ENPP3: variants seen among roughly 807,000 people sequenced by gnomAD.
ENPP3 encodes the protein ectonucleotide pyrophosphatase/phosphodiesterase 3, also known as ectonucleotide pyrophosphatase/phosphodiesterase family member 3.
In ENPP3, 104 loss-of-function variants were observed where a neutral mutation model predicts 117.8. The ratio of observed to expected loss-of-function variants is 0.88; its 90% CI spans 0.75 to 1.04. ENPP3 has a LOEUF of 1.04. Ranked by LOEUF, ENPP3 falls within the 50% of genes least tolerant of loss-of-function variation. ENPP3 has a pLI of 0.00. For missense variants in ENPP3, 1,026 were observed against 1,051.9 expected, an observed-to-expected ratio of 0.98 and a Z score of 0.34; for synonymous variants, 380 against 349.9, an observed-to-expected ratio of 1.09 and a Z score of -0.96.
intron 15 of ENPP3, among the ~76,000 whole-genome samples, chr6:131,716,447 A>C (rs1026425861): frequency 1.3e-5 from 2 of 152,046 alleles, no homozygotes; most frequent in Non-Finnish European, 2.9e-5. Flanking sequence ...AGATGGAAAT[A>C]TTTTAAAAAA....
intron 6 of ENPP3, among the ~76,000 whole-genome samples, chr6:131,669,655 C>CAAAA (rs67597128): frequency 3.5e-3 from 216 of 61,234 alleles, no homozygotes; most frequent in Non-Finnish European, 4.4e-3. Context: ...GACTCCATCT[C>CAAAA]AAAAAAAAAA....
rs1188278022 is a variant in ENPP3, at chr6:131,725,955, G to A, written c.1799-91G>A. On this transcript the variant is annotated intron_variant, in intron 19 of 24. Transcript: ENST00000357639. ...ACTTGTCATATAATAAGCCATAAGA[G>A]AGTGGTAGTTATTATATGGGTAGTT... 9.3e-6 allele frequency: 7 copies of A among 753,604 alleles called. No homozygotes were observed. In the East Asian group the frequency reaches 1.6e-4, roughly 17 times the overall value. The allele number at this position is 753,604 out of a possible 1,614,324, so 46.7% of individuals were successfully genotyped here. A position where few individuals can be genotyped will look rare whatever the true frequency, so the allele number is the denominator to read the frequency against.
intron 10 of ENPP3, among the ~76,000 whole-genome samples, 185 bp downstream of exon 10, chr6:131,676,986 A>C (rs1778883142): frequency 6.6e-6 from 1 of 152,022 alleles, no homozygotes. Context: ...GTGTAATCTC[A>C]GCACTTTGGG....
rs1162431088 is a variant in ENPP3 at position 131,683,165 on chromosome 6, A to G, written c.1120+3A>G. ...TATCATCCTTCTGGCTGACCATGGTATGCTTTTAAAAAACATTCTTATTTT... is the reference window on the plus strand; with the variant it reads ...TATCATCCTTCTGGCTGACCATGGTGTGCTTTTAAAAAACATTCTTATTTT... On this transcript the variant is annotated splice_donor_region_variant and intron_variant, in intron 12 of 24. Coordinates refer to ENST00000357639, the MANE Select transcript of ENPP3 (RefSeq NM_005021.5). The G allele has an allele frequency of 6.6e-7, 1 of 1,506,262 alleles. No individual in the cohort carries two copies. The highest frequency in any genetic ancestry group is 1.4e-5 in the African/African-American group (1 of 72,430). The allele number at this position is 1,506,262 out of a possible 1,614,324, so 93.3% of individuals were successfully genotyped here.
Position 131,681,964 on chromosome 6 carries a change from C to G in ENPP3, c.1012-1090C>G, listed in dbSNP as rs998277461. ...TCTCCTGCCTCAGCTTCCCTAGTAG[C>G]TGGGATTATAGGTGCCTGCCAGCAC... On this transcript the variant is annotated intron_variant, in intron 11 of 24. Coordinates refer to ENST00000357639, the MANE Select transcript of ENPP3 (RefSeq NM_005021.5). Among the ~76,000 whole-genome samples the G allele has an allele frequency of 2.6e-5, 4 of 152,032 alleles. No individual in the cohort carries two copies. In the East Asian group the frequency reaches 7.8e-4, roughly 30 times the overall value.
chr6:131,733,454 C>A, intron 20 of ENPP3, 134 bp from the exon 21 acceptor site: 2 of 902,794 alleles, frequency 2.2e-6, no homozygotes, highest in Non-Finnish European at 3.2e-6. Flanking sequence ...ATTCTCATTG[C>A]TTGCGTAGAC....
At chr6:131,683,298 G>A (rs1159479062) in intron 12 of ENPP3, 136 bp downstream of exon 12, 3 of 582,864 alleles carry the variant, frequency 5.1e-6, no homozygotes, top group African/African-American at 3.8e-5. Flanking sequence ...GGAATGAATT[G>A]TGGTAGAATG....
chr6:131,701,437 G>A (rs532345115), intron 15 of ENPP3: 30 of 1,467,600 alleles, frequency 2.0e-5, no homozygotes, highest in Non-Finnish European at 1.0e-5. Context: ...TAATGCTCAT[G>A]GTTTAGGAGA....
intron 3 of ENPP3, among the ~76,000 whole-genome samples, chr6:131,651,030 C>T (rs1778251513): frequency 6.6e-6 from 1 of 152,142 alleles, no homozygotes; most frequent in African/African-American, 2.4e-5. Flanking sequence ...AGCGATTCTC[C>T]TGCCTCAGCC....
intron 15 of ENPP3, among the ~76,000 whole-genome samples, chr6:131,708,462 T>C (rs1292656405): frequency 1.3e-5 from 2 of 152,258 alleles, no homozygotes; most frequent in Non-Finnish European, 2.9e-5. Flanking sequence ...ACCATCTTTA[T>C]TTACAAAATA....
rs568950459 is a variant in ENPP3 at position 131,691,693 on chromosome 6, C to G, written c.1285-1804C>G. On this transcript the variant is annotated intron_variant, in intron 14 of 24. Coordinates refer to ENST00000357639, the MANE Select transcript of ENPP3 (RefSeq NM_005021.5). Reference sequence around the variant, plus strand: ...GCAAAGAATCACCGGTACTTCTTCACAGGTAGGTAGTGAGCCTCCGGTTTT... The same window carrying G: ...GCAAAGAATCACCGGTACTTCTTCAGAGGTAGGTAGTGAGCCTCCGGTTTT... Among the ~76,000 whole-genome samples the G allele has an allele frequency of 3.9e-5, 6 of 152,108 alleles. No homozygotes were observed. The East Asian group carries it at 9.7e-4, about 24-fold the overall frequency.
intron 6 of ENPP3, among the ~76,000 whole-genome samples, chr6:131,664,792 A>G (rs1778581862): frequency 6.6e-6 from 1 of 152,206 alleles, no homozygotes; most frequent in South Asian, 2.1e-4. Flanking sequence ...ACTTTACTAT[A>G]TAGCCTAGGT....
rs757598500 is a variant in ENPP3, at chr6:131,671,300, C to T, written c.615C>T (p.Thr205=). The part of the protein sequence containing the change: ...KYMRAMYPTK[T]FPNHYTIVTG... Reference sequence around the variant, plus strand: ...TGAGAGCTATGTATCCTACCAAAACCTTCCCAAATCATTACACCATTGTCA... The same window carrying T: ...TGAGAGCTATGTATCCTACCAAAACTTTCCCAAATCATTACACCATTGTCA... Residue 205 remains threonine (T), a synonymous_variant, in exon 7 of 25, where the codon ACC becomes ACT. Coordinates refer to ENST00000357639, the MANE Select transcript of ENPP3 (RefSeq NM_005021.5). The T allele has an allele frequency of 1.2e-6, 2 of 1,606,040 alleles. No individual in the cohort carries two copies. The highest frequency in any genetic ancestry group is 1.7e-5 in the Admixed American group (1 of 60,000).
At chr6:131,723,666 G>T (rs903870595) in intron 18 of ENPP3, among the ~76,000 whole-genome samples, 1 of 152,074 alleles carries the variant, frequency 6.6e-6, no homozygotes, top group East Asian at 1.9e-4. Flanking sequence ...ACCAGAATCC[G>T]TATTTTAACA....
chr6:131,668,121 TTAA>T (rs1354392965), intron 6 of ENPP3, among the ~76,000 whole-genome samples: 11 of 152,170 alleles, frequency 7.2e-5, no homozygotes, highest in African/African-American at 2.4e-4. Flanking sequence ...TACAGATATC[TTAA>T]TAATATTTCA....
intron 24 of ENPP3, among the ~76,000 whole-genome samples, chr6:131,744,582 G>A (rs1355262535): frequency 6.6e-6 from 1 of 152,198 alleles, no homozygotes; most frequent in East Asian, 1.9e-4. Context: ...GCCTGGGGTA[G>A]CTAACTAATT....
At chr6:131,716,523 A>C (rs1411916289) in intron 15 of ENPP3, among the ~76,000 whole-genome samples, 2 of 151,766 alleles carry the variant, frequency 1.3e-5, no homozygotes, top group Non-Finnish European at 2.9e-5. Context: ...CAAAAAACTT[A>C]GTCAAAAAAC....
At chr6:131,671,544 T>A (rs2114375623) in intron 7 of ENPP3, among the ~76,000 whole-genome samples, 1 of 152,252 alleles carries the variant, frequency 6.6e-6, no homozygotes, top group Non-Finnish European at 1.5e-5. Flanking sequence ...CAGCATTAGG[T>A]TAATTCACCT....
intron 19 of ENPP3, among the ~76,000 whole-genome samples, chr6:131,724,780 T>C (rs572200413): frequency 6.6e-6 from 1 of 152,330 alleles, no homozygotes; most frequent in Non-Finnish European, 1.5e-5. Flanking sequence ...GCAGGTTTTT[T>C]ATCCATCACT....
Sources: allele counts gnomAD v4.1 joint callset (sites outside exome capture counted in the v4.1 genomes callset), GRCh38; gene constraint gnomAD v4.1.1; transcripts MANE v1.5; gene names NCBI Gene and HGNC (gene_info 2026-07-23, HGNC 2026-07-21).